The following LARGE1 variants were observed in gnomAD, a reference collection of about 807,000 sequenced individuals.
The protein encoded by LARGE1 is xylosyl- and glucuronyltransferase LARGE1.
A neutral mutation model predicts 87.6 loss-of-function variants in LARGE1; 43 were observed. The observed-to-expected ratio is 0.49, with a 90% confidence interval of 0.38 to 0.63. The LOEUF is 0.63. Ranked by LOEUF, LARGE1 falls within the 30% of genes least tolerant of loss-of-function variation. The pLI is 0.00. For synonymous variants in LARGE1, 434 were observed against 394.6 expected, an observed-to-expected ratio of 1.10 and a Z score of -1.18; for missense variants, 802 against 1,000.2, an observed-to-expected ratio of 0.80 and a Z score of 2.67.
the LARGE1 span, among the ~76,000 whole-genome samples, chr22:33,150,046 T>C: frequency 6.6e-6 from 1 of 152,192 alleles, no homozygotes. Flanking sequence ...AAAGTAGAAA[T>C]GGACCCTTCT....
intron 7 of LARGE1, among the ~76,000 whole-genome samples, chr22:33,429,595 A>C (rs938930604): frequency 3.3e-5 from 5 of 152,188 alleles, no homozygotes; most frequent in African/African-American, 7.2e-5. Flanking sequence ...TGTTTTACGC[A>C]GGAAACCGTG....
intron 4 of LARGE1, among the ~76,000 whole-genome samples, chr22:33,625,738 T>A (rs1300397282): frequency 6.6e-6 from 1 of 152,220 alleles, no homozygotes; most frequent in East Asian, 1.9e-4. Context: ...CATGTCTGTA[T>A]CCTAATCTCC....
chr22:33,837,073 T>G (rs2063129488), intron 1 of LARGE1, among the ~76,000 whole-genome samples: 1 of 152,110 alleles, frequency 6.6e-6, no homozygotes. Flanking sequence ...GAGCTTCGCC[T>G]CCAGCTAACT....
At chr22:33,618,673 T>C (rs2079650506) in intron 4 of LARGE1, among the ~76,000 whole-genome samples, 2 of 152,102 alleles carry the variant, frequency 1.3e-5, no homozygotes, top group South Asian at 4.1e-4. Flanking sequence ...ACCTCAAAAA[T>C]ACATACCTGG....
At chr22:33,155,681 G>A in the LARGE1 span, among the ~76,000 whole-genome samples, 3 of 152,164 alleles carry the variant, frequency 2.0e-5, no homozygotes, top group Non-Finnish European at 2.9e-5. Context: ...ATTTTCTGAG[G>A]AGAAATTCAA....
chr22:33,472,118 T>C (rs2068867945), intron 6 of LARGE1, among the ~76,000 whole-genome samples: 2 of 152,148 alleles, frequency 1.3e-5, no homozygotes, highest in Admixed American at 6.5e-5. Context: ...ATCAATTCAG[T>C]TACAGCTGGA....
the LARGE1 span, among the ~76,000 whole-genome samples, chr22:33,080,537 A>T: frequency 6.6e-6 from 1 of 152,238 alleles, no homozygotes; most frequent in Non-Finnish European, 1.5e-5. Context: ...TGACACAGAC[A>T]CTTCAGCTCA....
intron 11 of LARGE1, among the ~76,000 whole-genome samples, chr22:33,259,097 C>T (rs1238177181): frequency 1.3e-5 from 2 of 152,086 alleles, no homozygotes; most frequent in Non-Finnish European, 2.9e-5. Flanking sequence ...CCAGGATGGT[C>T]TTGAACTCCT....
intron 11 of LARGE1, among the ~76,000 whole-genome samples, chr22:33,210,312 C>A: frequency 1.3e-5 from 2 of 152,226 alleles, no homozygotes; most frequent in Non-Finnish European, 2.9e-5. Context: ...ACGGGGGTGG[C>A]ACAAGGGTGA....
chr22:33,667,196 G>A (rs1316504460), intron 2 of LARGE1, among the ~76,000 whole-genome samples: 1 of 152,228 alleles, frequency 6.6e-6, no homozygotes, highest in Non-Finnish European at 1.5e-5. Flanking sequence ...AGTTATATGA[G>A]TTTCTCCAGA....
At chr22:33,868,892 C>T (rs140224098) in intron 1 of LARGE1, among the ~76,000 whole-genome samples, 8 of 152,178 alleles carry the variant, frequency 5.3e-5, no homozygotes, top group Admixed American at 6.5e-5. Context: ...CACGGATTCA[C>T]GGCAAAACTA....
intron 1 of LARGE1, among the ~76,000 whole-genome samples, chr22:33,911,207 G>T (rs2065626482): frequency 6.6e-6 from 1 of 152,180 alleles, no homozygotes; most frequent in Non-Finnish European, 1.5e-5. Context: ...CCTAGGTTCT[G>T]GTTCCACCTC....
chr22:33,394,595 T>C (rs1409336727), intron 7 of LARGE1, among the ~76,000 whole-genome samples: 1 of 152,202 alleles, frequency 6.6e-6, no homozygotes, highest in Non-Finnish European at 1.5e-5. Context: ...ACCTCCATTT[T>C]ACAGATGAAG....
At chr22:33,755,861 T>C (rs1367079861) in intron 2 of LARGE1, among the ~76,000 whole-genome samples, 1 of 152,088 alleles carries the variant, frequency 6.6e-6, no homozygotes, top group Non-Finnish European at 1.5e-5. Context: ...AAGAAACTCA[T>C]AGGTAAGTGG....
At chr22:33,857,259 T>A (rs868751706) in intron 1 of LARGE1, among the ~76,000 whole-genome samples, 1 of 152,110 alleles carries the variant, frequency 6.6e-6, no homozygotes, top group South Asian at 2.1e-4. Flanking sequence ...GGCAGACAGA[T>A]TAGTGGCTCT....
chr22:33,776,524 T>C (rs2085243309), intron 1 of LARGE1, among the ~76,000 whole-genome samples: 2 of 152,226 alleles, frequency 1.3e-5, no homozygotes, highest in Non-Finnish European at 1.5e-5. Context: ...TTCTTCTGAA[T>C]GTTAAATCAG....
the LARGE1 span, among the ~76,000 whole-genome samples, chr22:33,149,213 T>A: frequency 4.1e-4 from 62 of 151,422 alleles, no homozygotes; most frequent in South Asian, 2.1e-4. Context: ...ATTATTTTTT[T>A]AATATTTTTT....
chr22:33,772,321 A>C (rs1011440690), intron 1 of LARGE1, among the ~76,000 whole-genome samples: 16 of 143,882 alleles, frequency 1.1e-4, no homozygotes. Flanking sequence ...CAACAGAGCG[A>C]GACTCTGCCT....
chr22:33,650,619 G>A lies in LARGE1; in HGVS notation c.156C>T (p.Pro52=), dbSNP rs148834527. ...CCCGCTGGCTGGAGGCCGTGTACCT[G>A]GGGCTGTGTGCCTGGGACTCCAGCG... ...LSPLESQAHS[P]RYTASSQRER... is the part of the protein sequence containing the mutation. Residue 52 remains proline, a synonymous_variant, in exon 3 of 15, where the codon CCC becomes CCT. Coordinates refer to ENST00000397394, the MANE Select transcript of LARGE1 (RefSeq NM_133642.5). The A allele has an allele frequency of 1.9e-6, 3 of 1,603,842 alleles. No homozygotes were observed. Among genetic ancestry groups the A allele is most frequent in the Non-Finnish European group, 2.5e-6 (3 of 1,179,942 alleles).
Sources: gnomAD v4.1 joint callset for allele counts (sites outside exome capture counted in the v4.1 genomes callset) on GRCh38, gnomAD v4.1.1 for gene constraint, MANE v1.5 for transcripts, NCBI Gene and HGNC (gene_info 2026-07-23, HGNC 2026-07-21) for gene names.